Variants in CELF2 observed in about 807,000 individuals in gnomAD.
The protein encoded by CELF2 is CUGBP Elav-like family member 2.
CELF2 carries 8 observed loss-of-function variants against 62.6 expected under a neutral mutation model. The observed-to-expected ratio is 0.13, with a 90% CI of 0.07 to 0.23. CELF2 has a LOEUF of 0.23. Ranked by LOEUF, CELF2 falls within the 10% of genes least tolerant of loss-of-function variation. The pLI is 1.00. For synonymous variants in CELF2, 258 were observed against 250.0 expected (o/e 1.03, Z -0.30); for missense variants, 333 against 671.0 (o/e 0.50, Z 5.56).
chr10:10,697,755 C>A, the CELF2 span, among the ~76,000 whole-genome samples: 4 of 151,822 alleles, frequency 2.6e-5, no homozygotes, highest in Admixed American at 1.3e-4. Context: ...AAAGGCCGCA[C>A]CCCCCCAATA....
the CELF2 span, among the ~76,000 whole-genome samples, chr10:10,480,124 C>T: frequency 6.6e-6 from 1 of 152,098 alleles, no homozygotes; most frequent in Admixed American, 6.6e-5. Context: ...CCACATAGCT[C>T]GGTGGTATTT....
chr10:10,571,152 G>GA, the CELF2 span, among the ~76,000 whole-genome samples: 2 of 151,974 alleles, frequency 1.3e-5, no homozygotes, highest in Admixed American at 6.6e-5. Context: ...TCAGAGGACT[G>GA]AAAAAAACAT....
intron 1 of CELF2, among the ~76,000 whole-genome samples, chr10:11,101,795 G>T (rs2051730423): frequency 6.6e-6 from 1 of 152,124 alleles, no homozygotes; most frequent in Non-Finnish European, 1.5e-5. Flanking sequence ...CATCCTGTGG[G>T]AAATGTATCT....
Position 11,267,093 on chromosome 10 carries a change from G to A in CELF2, c.618+416G>A, listed in dbSNP as rs898812997. The stretch of plus-strand genomic sequence containing the variant: ...CTGCTTGCCCTGTGCTAAGTCCCAG[G>A]GTTCTTTCGTTTGTACAGGGTCAAG... On this transcript the variant is annotated intron_variant, in intron 6 of 12. Transcript: ENST00000633077. This position sits in a 1 kb window ranked among gnomAD's most constrained non-coding sequence, Gnocchi z 4.4. 6.6e-6 allele frequency among the ~76,000 whole-genome samples: 1 copy of A among 152,140 alleles called. No individual in the cohort carries two copies. Among genetic ancestry groups the A allele is most frequent in the African/African-American group, 2.4e-5 (1 of 41,406 alleles).
At position 11,211,535 on chromosome 10, in the gene CELF2, C is replaced by T. The variant is rs796130767; in HGVS notation, c.272-5890C>T. Among the ~76,000 whole-genome samples the T allele has an allele frequency of 1.6e-4, 25 of 152,152 alleles. No individual in the cohort carries two copies. Among genetic ancestry groups the T allele is most frequent in the African/African-American group, 5.3e-4 (22 of 41,500 alleles). On this transcript the variant is annotated intron_variant, in intron 2 of 12. Transcript: ENST00000633077. The surrounding 1 kb of genome is among the most constrained non-coding windows in gnomAD (Gnocchi z 4.8). ...TATTGCTCTTTGATTCACAGCAAAC[C>T]GTGATATAAACTGGTTATCTTTATA...
At chr10:10,585,600 C>T in the CELF2 span, among the ~76,000 whole-genome samples, 1 of 152,270 alleles carries the variant, frequency 6.6e-6, no homozygotes, top group East Asian at 1.9e-4. Flanking sequence ...GCATTTGCTC[C>T]ATATTCCAAG....
intron 11 of CELF2, among the ~76,000 whole-genome samples, chr10:11,323,065 TGAAACAACATGTTTC>T (rs776683401): frequency 1.4e-3 from 219 of 152,268 alleles, no homozygotes; most frequent in South Asian, 3.5e-3. Context: ...GTCTGGGCCC[TGAAACAACATGTTTC>T]GAAACAACAT....
chr10:10,667,140 A>G, the CELF2 span, among the ~76,000 whole-genome samples: 1 of 152,196 alleles, frequency 6.6e-6, no homozygotes, highest in South Asian at 2.1e-4. Context: ...TCAGGGCTGA[A>G]AGGCACCATG....
intron 1 of CELF2, among the ~76,000 whole-genome samples, chr10:10,910,756 G>T (rs577795116): frequency 6.6e-6 from 1 of 150,862 alleles, no homozygotes; most frequent in Admixed American, 6.6e-5. Context: ...TAAATGTCTC[G>T]CATGTGCATT....
intron 1 of CELF2, among the ~76,000 whole-genome samples, chr10:11,121,606 C>T (rs574453471): frequency 1.1e-4 from 17 of 152,194 alleles, no homozygotes; most frequent in Admixed American, 2.0e-4. Flanking sequence ...CAAATAGCGA[C>T]GCAGACGTTA....
chr10:11,005,100 A>G (rs1023997476), upstream of CELF2: 71 of 985,324 alleles, frequency 7.2e-5, no homozygotes, highest in Non-Finnish European at 8.0e-5. This position sits in a 1 kb window ranked among gnomAD's most constrained non-coding sequence, Gnocchi z 4.3. Flanking sequence ...TGCAGACAAG[A>G]CCCCTATAGG....
At chr10:11,115,141 C>T (rs1449359107) in intron 1 of CELF2, among the ~76,000 whole-genome samples, 4 of 152,184 alleles carry the variant, frequency 2.6e-5, no homozygotes, top group Admixed American at 2.0e-4. Flanking sequence ...GCAGTAGGCA[C>T]GTGAATATCT....
rs563210990 is a variant in CELF2 at position 11,211,139 on chromosome 10, G to A, written c.272-6286G>A. ...TAAATAATTTAAAAATTAGCCTGGT[G>A]TAGTGGCACATGCCTGCAGTCCTGG... On this transcript the variant is annotated intron_variant, in intron 2 of 12. Coordinates refer to ENST00000633077, the MANE Select transcript of CELF2 (RefSeq NM_001326342.2). This position sits in a 1 kb window ranked among gnomAD's most constrained non-coding sequence, Gnocchi z 4.8. Among the ~76,000 whole-genome samples the A allele has an allele frequency of 1.5e-4, 23 of 152,172 alleles. No individual in the cohort carries two copies. The highest frequency in any genetic ancestry group is 2.8e-4 in the Non-Finnish European group (19 of 68,042).
intron 1 of CELF2, among the ~76,000 whole-genome samples, chr10:10,800,198 T>C (rs1271779300): frequency 1.3e-5 from 2 of 152,242 alleles, no homozygotes; most frequent in East Asian, 1.9e-4. Context: ...GCATGTCATA[T>C]TCTAGAACTT....
chr10:10,500,888 A>C, the CELF2 span, among the ~76,000 whole-genome samples: 52,259 of 152,046 alleles, frequency 0.34, 9,398 homozygotes, highest in African/African-American at 0.41. Flanking sequence ...AAATGCAATC[A>C]CATGATGTGT....
the CELF2 span, among the ~76,000 whole-genome samples, chr10:10,574,811 G>A: frequency 6.6e-6 from 1 of 150,712 alleles, no homozygotes; most frequent in African/African-American, 2.4e-5. Context: ...CTGGGTTCAA[G>A]CAATTCTTCT....
chr10:10,556,085 GGTTA>G, the CELF2 span, among the ~76,000 whole-genome samples: 4 of 152,124 alleles, frequency 2.6e-5, no homozygotes, highest in South Asian at 8.3e-4. Context: ...ACATTGTGCA[GGTTA>G]GTTACATATG....
the CELF2 span, among the ~76,000 whole-genome samples, chr10:10,519,599 G>A: frequency 1.3e-5 from 2 of 152,126 alleles, no homozygotes; most frequent in African/African-American, 2.4e-5. Context: ...TGTTCCTGTC[G>A]GGTTCCATTC....
At chr10:11,200,675 C>T (rs2059021211) in intron 2 of CELF2, among the ~76,000 whole-genome samples, 1 of 152,210 alleles carries the variant, frequency 6.6e-6, no homozygotes, top group African/African-American at 2.4e-5. Flanking sequence ...CTGTGCCCCT[C>T]TGCATAGGCC....
Sources: gnomAD v4.1 joint callset for allele counts (sites outside exome capture counted in the v4.1 genomes callset) on GRCh38, gnomAD v4.1.1 for gene constraint, Gnocchi (gnomAD v3.1) non-coding constraint, MANE v1.5 for transcripts, NCBI Gene and HGNC (gene_info 2026-07-23, HGNC 2026-07-21) for gene names.